The following ZFHX3 variants were observed in gnomAD, a reference collection of about 807,000 sequenced individuals.
The protein encoded by ZFHX3 is zinc finger homeobox 3, also known as zinc finger homeobox protein 3.
Under a neutral mutation model 279.1 loss-of-function variants are expected in ZFHX3, and 42 were observed. That is an observed-to-expected ratio of 0.15 (90% CI 0.12 to 0.19). The LOEUF (loss-of-function observed/expected upper bound fraction) is 0.19, where lower values mean the gene tolerates loss of function less well. Ranked by LOEUF, ZFHX3 falls within the 10% of genes least tolerant of loss-of-function variation. The pLI is 1.00. For synonymous variants in ZFHX3, 2,293 were observed against 1,957.8 expected (o/e 1.17, Z -4.52); for missense variants, 4,981 against 4,754.0 (o/e 1.05, Z -1.40).
intron 1 of ZFHX3, among the ~76,000 whole-genome samples, chr16:73,040,979 G>A (rs1284577110): frequency 6.6e-6 from 1 of 152,206 alleles, no homozygotes; most frequent in Non-Finnish European, 1.5e-5. Flanking sequence ...CCTCAGCAGA[G>A]GGTGTAAGGC....
chr16:72,916,105 G>A (rs2039435288), intron 3 of ZFHX3, among the ~76,000 whole-genome samples: 1 of 152,188 alleles, frequency 6.6e-6, no homozygotes, highest in African/African-American at 2.4e-5. Flanking sequence ...ATGTTTGTAA[G>A]CACTTAGAAA....
rs116130030 is a variant in ZFHX3 at position 73,162,128 on chromosome 16, G to A, written c.-1103-18297C>T. On this transcript the variant is annotated intron_variant, in intron 5 of 17. Coordinates refer to the ZFHX3 transcript ENST00000641206. ...GGGCACAGACCAGTATCAATTCATG[G>A]CCTCTTAGGAACCAAGCCACACAGC... 3.1e-3 allele frequency among the ~76,000 whole-genome samples: 474 copies of A among 152,302 alleles called. 2 individuals carry two copies. The highest frequency in any genetic ancestry group is 0.011 in the African/African-American group (454 of 41,560).
At chr16:73,377,850 G>A (rs2016748375) in intron 3 of ZFHX3, among the ~76,000 whole-genome samples, 2 of 150,988 alleles carry the variant, frequency 1.3e-5, no homozygotes, top group Admixed American at 6.6e-5. Flanking sequence ...TGGCTAACAC[G>A]GTGAAACTCC....
chr16:73,704,790 A>G (rs116001062), intron 1 of ZFHX3, among the ~76,000 whole-genome samples: 1,642 of 152,326 alleles, frequency 0.011, 39 homozygotes, highest in African/African-American at 0.037. Flanking sequence ...CACTAGAGGA[A>G]ACTGAACTTC....
At chr16:73,005,998 C>T (rs1488398865) in intron 1 of ZFHX3, 10 of 152,282 alleles carry the variant, frequency 6.6e-5, no homozygotes, top group East Asian at 5.8e-4. Context: ...TAAAATGTTA[C>T]GTTGTAACTG....
chr16:73,544,753 T>C (rs2020080999), intron 2 of ZFHX3, among the ~76,000 whole-genome samples: 1 of 151,920 alleles, frequency 6.6e-6, no homozygotes, highest in Non-Finnish European at 1.5e-5. Context: ...GGTAAAGGTG[T>C]GGGAGAGAAG....
intron 2 of ZFHX3, among the ~76,000 whole-genome samples, chr16:72,954,277 G>C (rs1961139636): frequency 6.6e-6 from 1 of 152,226 alleles, no homozygotes. Flanking sequence ...GGCAGAGGCA[G>C]AAGAATTGCT....
intron 2 of ZFHX3, 146 bp downstream of exon 2, chr16:72,957,281 A>G: frequency 1.1e-6 from 1 of 899,896 alleles, no homozygotes; most frequent in East Asian, 2.4e-5. Context: ...TCTTGAGAAT[A>G]CTTGATTGTA....
chr16:72,965,739 T>G (rs978677655), intron 1 of ZFHX3, among the ~76,000 whole-genome samples: 1 of 151,172 alleles, frequency 6.6e-6, no homozygotes, highest in Admixed American at 6.6e-5. Context: ...AATGTCAGAG[T>G]GACTTAATGG....
At chr16:73,048,330 G>C (rs1426045545), upstream of ZFHX3, 1 of 151,628 alleles carries the variant, frequency 6.6e-6, no homozygotes, top group African/African-American at 2.4e-5. Context: ...GGCGGCGACC[G>C]CGCCCGCCCG....
intron 7 of ZFHX3, among the ~76,000 whole-genome samples, chr16:73,125,771 T>C (rs1486295644): frequency 5.3e-5 from 8 of 151,340 alleles, no homozygotes; most frequent in Non-Finnish European, 8.9e-5. Context: ...TAATACTTAA[T>C]AAACTCCCAT....
At chr16:72,975,252 G>A (rs1297145531) in intron 1 of ZFHX3, among the ~76,000 whole-genome samples, 1 of 152,086 alleles carries the variant, frequency 6.6e-6, no homozygotes, top group East Asian at 1.9e-4. Flanking sequence ...GACAAGCCTG[G>A]CCAACATAGT....
chr16:73,843,711 T>G (rs1255152955), intron 1 of ZFHX3, among the ~76,000 whole-genome samples: 2 of 152,220 alleles, frequency 1.3e-5, no homozygotes, highest in African/African-American at 4.8e-5. Flanking sequence ...TGGGTTTACT[T>G]AGAATGAGAT....
intron 3 of ZFHX3, among the ~76,000 whole-genome samples, chr16:72,891,642 G>C (rs1467955929): frequency 6.6e-6 from 1 of 152,192 alleles, no homozygotes; most frequent in African/African-American, 2.4e-5. Flanking sequence ...CAGTTAGTTA[G>C]GGGGAGAGAG....
At chr16:72,805,767 TAG>T (rs1222784111) in intron 7 of ZFHX3, among the ~76,000 whole-genome samples, 7 of 152,184 alleles carry the variant, frequency 4.6e-5, no homozygotes, top group South Asian at 2.1e-4. Context: ...CTCTTGCCAG[TAG>T]AGTTTCAGAG....
intron 1 of ZFHX3, among the ~76,000 whole-genome samples, chr16:73,837,640 CTTTT>C (rs1961178968): frequency 6.6e-6 from 1 of 151,972 alleles, no homozygotes; most frequent in Non-Finnish European, 1.5e-5. Context: ...CTTTTCTTTT[CTTTT>C]CTTTTCTTTT....
At position 72,797,908 on chromosome 16, in the gene ZFHX3, C is replaced by T. The variant is rs370690780; in HGVS notation, c.4774G>A (p.Asp1592Asn). ...GTGTTACACTTAAAAGGTTTGTTGTCTGGGCTGCTGGTGGGTTCTGGCTGA... is the reference window on the plus strand; with the variant it reads ...GTGTTACACTTAAAAGGTTTGTTGTTTGGGCTGCTGGTGGGTTCTGGCTGA... The part of the protein sequence containing the change: ...TGQPEPTSSP[D>N]NKPFKCNTCN... The change falls in exon 9 of 10, where the codon GAC becomes AAC. Residue 1592 changes from aspartate (D) to asparagine (N), a missense_variant. Asp to Asn is a conservative substitution (Grantham distance 23, BLOSUM62 1). Transcript: ENST00000268489. 1.2e-6 allele frequency: 2 copies of T among 1,614,172 alleles called. No homozygotes were observed. The highest frequency in any genetic ancestry group is 2.2e-5 in the South Asian group (2 of 91,082).
At chr16:73,492,859 T>C (rs555617603) in intron 2 of ZFHX3, among the ~76,000 whole-genome samples, 4 of 152,180 alleles carry the variant, frequency 2.6e-5, no homozygotes, top group African/African-American at 4.8e-5. Context: ...GGTGAGACTG[T>C]AAATTCTAGC....
chr16:73,413,812 G>A, intron 3 of ZFHX3, among the ~76,000 whole-genome samples: 1 of 152,300 alleles, frequency 6.6e-6, no homozygotes, highest in East Asian at 1.9e-4. Flanking sequence ...CAAGGTCAAA[G>A]ACTGGAGAAA....
Sources: allele counts gnomAD v4.1 joint callset (sites outside exome capture counted in the v4.1 genomes callset), GRCh38; gene constraint gnomAD v4.1.1; transcripts MANE v1.5; gene names NCBI Gene and HGNC (gene_info 2026-07-23, HGNC 2026-07-21).